The following KCNC2 variants were observed in gnomAD, a reference collection of about 807,000 sequenced individuals.
KCNC2 encodes voltage-gated potassium channel KCNC2.
Under a neutral mutation model 44.5 loss-of-function variants are expected in KCNC2, and 21 were observed. The ratio of observed to expected loss-of-function variants is 0.47; its 90% CI spans 0.33 to 0.68. The LOEUF (loss-of-function observed/expected upper bound fraction) is 0.68, where lower values mean the gene tolerates loss of function less well. Among genes scored for constraint, KCNC2 ranks in the 30% least tolerant of loss-of-function variants. The pLI is 0.01. For synonymous variants in KCNC2, 391 were observed against 339.1 expected (o/e 1.15, Z -1.68); for missense variants, 589 against 826.2 (o/e 0.71, Z 3.52).
chr12:75,098,294 T>C (rs890856589), intron 2 of KCNC2, among the ~76,000 whole-genome samples: 2 of 152,234 alleles, frequency 1.3e-5, no homozygotes, highest in East Asian at 1.9e-4. Context: ...TAGGCACTTA[T>C]ATTACTGTGC....
chr12:75,158,483 T>C (rs1890906191), intron 2 of KCNC2, among the ~76,000 whole-genome samples: 1 of 151,896 alleles, frequency 6.6e-6, no homozygotes, highest in African/African-American at 2.4e-5. Context: ...CAGCCTACAT[T>C]CTCTTGCCTT....
At chr12:75,047,983 T>A (rs903641705) in intron 4 of KCNC2, among the ~76,000 whole-genome samples, 170 bp downstream of exon 4, 1 of 152,092 alleles carries the variant, frequency 6.6e-6, no homozygotes, top group Non-Finnish European at 1.5e-5. Context: ...ACATAGGTTA[T>A]TATGTATTTT....
chr12:75,168,655 A>G (rs1433041576), intron 2 of KCNC2, among the ~76,000 whole-genome samples: 1 of 151,582 alleles, frequency 6.6e-6, no homozygotes, highest in Admixed American at 6.6e-5. Context: ...ATTTCTTACC[A>G]TACCAAAACT....
chr12:75,177,645 C>T (rs2137620907), intron 2 of KCNC2, among the ~76,000 whole-genome samples: 1 of 152,088 alleles, frequency 6.6e-6, no homozygotes, highest in Admixed American at 6.6e-5. Context: ...TTAGTTATTA[C>T]ATCCAGATAT....
intron 2 of KCNC2, among the ~76,000 whole-genome samples, chr12:75,079,509 T>C (rs1228601795): frequency 6.6e-6 from 1 of 152,176 alleles, no homozygotes; most frequent in African/African-American, 2.4e-5. Context: ...CTGAATTCAT[T>C]TGCTAGTATA....
chr12:75,060,346 T>G (rs1313903278), intron 2 of KCNC2, among the ~76,000 whole-genome samples: 1 of 152,090 alleles, frequency 6.6e-6, no homozygotes, highest in Non-Finnish European at 1.5e-5. Context: ...TTAATTACTT[T>G]TTCTTGGATT....
At chr12:75,145,074 GA>G (rs1458746676) in intron 2 of KCNC2, among the ~76,000 whole-genome samples, 1 of 152,164 alleles carries the variant, frequency 6.6e-6, no homozygotes, top group African/African-American at 2.4e-5. Context: ...TACTGAGCCA[GA>G]AGGCTAAAGC....
chr12:75,207,776 G>T lies in KCNC2; in HGVS notation c.208C>A (p.Leu70Met). ...PLSPPPRAPP[L>M]SPGPGGCFEG... ...AAGCAGCCGCCTGGCCCGGGGGACA[G>T]CGGGGGCGCTCTCGGCGGCGGCGAC... Residue 70 changes from leucine to methionine, a missense_variant, in exon 2 of 5, where the codon CTG (leucine) becomes ATG (methionine). By Grantham distance (15) the Leu-to-Met change is conservative. Around this residue, in one of 7 missense-constraint regions of KCNC2, gnomAD observed 148 missense variants for 140.1 expected, o/e 1.06. Coordinates refer to ENST00000549446, the MANE Select transcript of KCNC2 (RefSeq NM_139137.4). The surrounding 1 kb of genome is among the most constrained non-coding windows in gnomAD (Gnocchi z 4.1). 1 of 1,583,170 alleles carries T rather than the reference G, an allele frequency of 6.3e-7. No homozygotes were observed.
chr12:75,077,273 A>T (rs1884078883), intron 2 of KCNC2, among the ~76,000 whole-genome samples: 1 of 152,188 alleles, frequency 6.6e-6, no homozygotes, highest in African/African-American at 2.4e-5. Context: ...ATTATTACTT[A>T]AATAAGAATA....
In KCNC2 at chr12:75,085,243, T is replaced by A. The variant is rs1166244132; in HGVS notation, c.688-33926A>T. Among the ~76,000 whole-genome samples, 3 of 152,046 alleles carry A rather than the reference T, an allele frequency of 2.0e-5. No individual in the cohort carries two copies. The East Asian group carries it at 5.8e-4, about 29-fold the overall frequency. ...GGATTTCATATTATTACCAGTAACC[T>A]CTTCATCTTGATTATCTTATGTTAC... On this transcript the variant is annotated intron_variant, in intron 2 of 4. Coordinates refer to ENST00000549446, the MANE Select transcript of KCNC2 (RefSeq NM_139137.4).
chr12:75,206,897 A>T (rs189411037), intron 2 of KCNC2, among the ~76,000 whole-genome samples: 1 of 152,206 alleles, frequency 6.6e-6, no homozygotes, highest in Non-Finnish European at 1.5e-5. Flanking sequence ...GAAAATGTCA[A>T]ATAGGGATGA....
intron 2 of KCNC2, among the ~76,000 whole-genome samples, chr12:75,105,779 T>C (rs922177138): frequency 2.6e-5 from 4 of 152,104 alleles, no homozygotes; most frequent in Admixed American, 6.5e-5. Context: ...ATTACCATGA[T>C]TTCGTTTTGG....
At chr12:75,189,638 T>C (rs1179391333) in intron 2 of KCNC2, among the ~76,000 whole-genome samples, 1 of 152,224 alleles carries the variant, frequency 6.6e-6, no homozygotes. Context: ...CCAGAATTCA[T>C]TAAACCTGTG....
chr12:75,126,248 G>A lies in KCNC2; in HGVS notation c.688-74931C>T, dbSNP rs1349871274. On this transcript the variant is annotated intron_variant, in intron 2 of 4. Coordinates refer to ENST00000549446, the MANE Select transcript of KCNC2 (RefSeq NM_139137.4). ...GGTAAAACTAATAGTCAGTTAATGT[G>A]TTATCTCCCTGATAATATTTGCATT... Among the ~76,000 whole-genome samples the A allele has an allele frequency of 2.0e-5, 3 of 152,128 alleles. No homozygotes were observed. In the East Asian group the frequency reaches 5.8e-4, roughly 29 times the overall value.
chr12:75,193,671 C>A (rs1003358590), intron 2 of KCNC2, among the ~76,000 whole-genome samples: 1 of 152,030 alleles, frequency 6.6e-6, no homozygotes, highest in South Asian at 2.1e-4. Context: ...GGAAAGGTAA[C>A]CCCATATTGA....
chr12:75,105,381 G>C (rs906963979), intron 2 of KCNC2, among the ~76,000 whole-genome samples: 7 of 152,132 alleles, frequency 4.6e-5, no homozygotes, highest in African/African-American at 1.7e-4. Context: ...TGAAGTCAGA[G>C]ACAAACTTCA....
chr12:75,074,703 T>C (rs1029161038), intron 2 of KCNC2, among the ~76,000 whole-genome samples: 2 of 152,208 alleles, frequency 1.3e-5, no homozygotes, highest in African/African-American at 2.4e-5. Context: ...ATTTATTTCA[T>C]ACATATTTAT....
At chr12:75,100,920 T>C (rs1369366456) in intron 2 of KCNC2, among the ~76,000 whole-genome samples, 2 of 152,132 alleles carry the variant, frequency 1.3e-5, no homozygotes, top group Non-Finnish European at 2.9e-5. Context: ...TATTAGTGCA[T>C]TGTAACACTG....
chr12:75,172,600 C>T (rs1233274160), intron 2 of KCNC2, among the ~76,000 whole-genome samples: 8 of 151,870 alleles, frequency 5.3e-5, no homozygotes, highest in Admixed American at 5.3e-4. Flanking sequence ...TCACAAGCTA[C>T]TGATAAGTCA....
Sources: allele counts gnomAD v4.1 joint callset (sites outside exome capture counted in the v4.1 genomes callset), GRCh38; gene constraint gnomAD v4.1.1; regional missense constraint gnomAD v4.1.1; non-coding constraint Gnocchi (gnomAD v3.1); transcripts MANE v1.5; gene names NCBI Gene and HGNC (gene_info 2026-07-23, HGNC 2026-07-21).